The following SLC38A12 variants were observed in gnomAD, a reference collection of about 807,000 sequenced individuals.
SLC38A12 encodes putative sodium-coupled neutral amino acid transporter 12.
At chr17:74,778,993 C>G in the SLC38A12 span, among the ~76,000 whole-genome samples, 1 of 152,116 alleles carries the variant, frequency 6.6e-6, no homozygotes, top group Admixed American at 6.6e-5. Context: ...TTCATGAACC[C>G]TGGAATGGAA....
the SLC38A12 span, among the ~76,000 whole-genome samples, chr17:74,816,995 CAG>C: frequency 5.3e-5 from 8 of 151,958 alleles, no homozygotes; most frequent in African/African-American, 1.9e-4. Flanking sequence ...CATCTGGAGA[CAG>C]GGGCTGTTCC....
the SLC38A12 span, among the ~76,000 whole-genome samples, chr17:74,794,399 G>A: frequency 0.03 from 4,544 of 152,264 alleles, 237 homozygotes; most frequent in African/African-American, 0.1. Flanking sequence ...AGTGCTTCCC[G>A]TAAGAAGGAA....
At chr17:74,812,390 T>C in the SLC38A12 span, among the ~76,000 whole-genome samples, 1 of 152,022 alleles carries the variant, frequency 6.6e-6, no homozygotes, top group Admixed American at 6.5e-5. Context: ...GTTGAGAAAA[T>C]AAAAACTTCC....
the SLC38A12 span, among the ~76,000 whole-genome samples, chr17:74,782,206 T>C: frequency 6.6e-6 from 1 of 152,206 alleles, no homozygotes; most frequent in South Asian, 2.1e-4. Context: ...TAGCTGGGAT[T>C]ACAGGCGTGC....
chr17:74,835,854 G>GC, the SLC38A12 span: 9 of 1,514,336 alleles, frequency 5.9e-6, no homozygotes, highest in South Asian at 1.3e-5. Flanking sequence ...CCGCAAAGGC[G>GC]CCCCCCAGAC....
chr17:74,823,116 C>T, the SLC38A12 span, among the ~76,000 whole-genome samples: 1 of 152,152 alleles, frequency 6.6e-6, no homozygotes, highest in African/African-American at 2.4e-5. Flanking sequence ...CCCACACACC[C>T]CACCCTCCTT....
chr17:74,822,757 C>T, the SLC38A12 span, among the ~76,000 whole-genome samples: 1 of 152,330 alleles, frequency 6.6e-6, no homozygotes, highest in South Asian at 2.1e-4. Context: ...TCTAGGGTTC[C>T]ATTCCCCAGC....
chr17:74,835,131 A>AG, the SLC38A12 span, among the ~76,000 whole-genome samples: 1 of 152,192 alleles, frequency 6.6e-6, no homozygotes, highest in Non-Finnish European at 1.5e-5. Flanking sequence ...CTCTGAACAG[A>AG]TGGGGCCACA....
chr17:74,785,454 G>C, the SLC38A12 span: 19 of 1,603,344 alleles, frequency 1.2e-5, no homozygotes, highest in Non-Finnish European at 1.6e-5. Context: ...TAAGTTCCGG[G>C]CTTGAATGTT....
the SLC38A12 span, among the ~76,000 whole-genome samples, chr17:74,802,282 G>C: frequency 6.6e-6 from 1 of 152,096 alleles, no homozygotes; most frequent in African/African-American, 2.4e-5. Context: ...TCCCCACCTT[G>C]GCCAATACCT....
the SLC38A12 span, among the ~76,000 whole-genome samples, chr17:74,831,168 C>T: frequency 1.5e-4 from 23 of 152,220 alleles, no homozygotes; most frequent in Admixed American, 9.8e-4. Flanking sequence ...GGCCGCCTCC[C>T]GCGACGGGGA....
At chr17:74,811,394 A>C in the SLC38A12 span, among the ~76,000 whole-genome samples, 15 of 152,078 alleles carry the variant, frequency 9.9e-5, no homozygotes, top group Non-Finnish European at 2.1e-4. Context: ...GGTGGACCTC[A>C]TGGAAGTCAA....
the SLC38A12 span, among the ~76,000 whole-genome samples, chr17:74,835,436 C>T: frequency 6.6e-6 from 1 of 152,160 alleles, no homozygotes; most frequent in Non-Finnish European, 1.5e-5. Context: ...TCCTCCCAAA[C>T]ACTCCATGCC....
the SLC38A12 span, among the ~76,000 whole-genome samples, chr17:74,792,607 G>A: frequency 0.03 from 4,534 of 152,290 alleles, 234 homozygotes; most frequent in African/African-American, 0.1. Flanking sequence ...CGTTTGTCGA[G>A]TGGGCTGCCC....
At chr17:74,839,470 A>C in the SLC38A12 span, 1 of 226,174 alleles carries the variant, frequency 4.4e-6, no homozygotes, top group Non-Finnish European at 8.8e-6. Flanking sequence ...GGCCACTGGA[A>C]AGCTGGAGAG....
the SLC38A12 span, chr17:74,839,180 G>T: frequency 6.7e-7 from 1 of 1,495,196 alleles, no homozygotes. Flanking sequence ...TATAGATGGG[G>T]CGGATGGCAG....
chr17:74,809,996 C>T, the SLC38A12 span, among the ~76,000 whole-genome samples: 3 of 152,264 alleles, frequency 2.0e-5, no homozygotes, highest in South Asian at 6.2e-4. Flanking sequence ...GCTCCTGCTG[C>T]GAGGATTTGG....
At chr17:74,808,280 G>A in the SLC38A12 span, among the ~76,000 whole-genome samples, 5 of 152,260 alleles carry the variant, frequency 3.3e-5, no homozygotes, top group Non-Finnish European at 7.3e-5. Flanking sequence ...AAGCAAAGGA[G>A]ACAGTTGAGT....
At chr17:74,836,287 C>T in the SLC38A12 span, 18 of 1,612,480 alleles carry the variant, frequency 1.1e-5, no homozygotes, top group Non-Finnish European at 1.5e-5. This position sits in a 1 kb window ranked among gnomAD's most constrained non-coding sequence, Gnocchi z 4.2. Context: ...CCCGTCTTCA[C>T]CATCAGCACC....
Sources: gnomAD v4.1 joint callset for allele counts (sites outside exome capture counted in the v4.1 genomes callset) on GRCh38, gnomAD v4.1.1 for gene constraint, Gnocchi (gnomAD v3.1) non-coding constraint, MANE v1.5 for transcripts, NCBI Gene and HGNC (gene_info 2026-07-23, HGNC 2026-07-21) for gene names.